Variants in HACD3 observed in about 807,000 individuals in gnomAD.
HACD3 encodes very-long-chain (3R)-3-hydroxyacyl-CoA dehydratase 3.
In HACD3, 30 loss-of-function variants were observed where a neutral mutation model predicts 55.2. That is an observed-to-expected ratio of 0.54 (90% confidence interval 0.41 to 0.74). HACD3 has a LOEUF of 0.74. Among genes scored for constraint, HACD3 ranks in the 30% least tolerant of loss-of-function variants. The pLI is 0.00. For missense variants in HACD3, 363 were observed against 440.1 expected, an observed-to-expected ratio of 0.82 and a Z score of 1.57; for synonymous variants, 141 against 151.7, an observed-to-expected ratio of 0.93 and a Z score of 0.52.
chr15:65,535,095 C>T (rs2071941554), intron 1 of HACD3, among the ~76,000 whole-genome samples: 1 of 152,096 alleles, frequency 6.6e-6, no homozygotes, highest in Non-Finnish European at 1.5e-5. Context: ...CTGCCTTATG[C>T]CATACACAAA....
At chr15:65,540,145 T>C (rs2072006136) in intron 1 of HACD3, among the ~76,000 whole-genome samples, 1 of 152,228 alleles carries the variant, frequency 6.6e-6, no homozygotes. Flanking sequence ...TGTTTGATTT[T>C]GCTTGAAATA....
intron 1 of HACD3, among the ~76,000 whole-genome samples, chr15:65,537,682 A>G (rs1245074647): frequency 6.7e-6 from 1 of 148,800 alleles, no homozygotes; most frequent in Non-Finnish European, 1.5e-5. Flanking sequence ...AATCCCAGCT[A>G]CTTGGGAGGC....
rs950924873 is a variant in HACD3 at position 65,577,710 on chromosome 15, C to G, written c.*1331C>G. Reference sequence around the variant, plus strand: ...TGGGACTGTACATTTTTGAATAGACCTCAAAAATACTTCATTCTGCTGCTG... The same window carrying G: ...TGGGACTGTACATTTTTGAATAGACGTCAAAAATACTTCATTCTGCTGCTG... On this transcript the variant is annotated 3_prime_UTR_variant, in exon 11 of 11. Coordinates refer to ENST00000261875, the MANE Select transcript of HACD3 (RefSeq NM_016395.4). The G allele has an allele frequency of 6.6e-6, 1 of 152,142 alleles. No individual in the cohort carries two copies. The highest frequency in any genetic ancestry group is 2.4e-5 in the African/African-American group (1 of 41,424). The allele number at this position is 152,142 out of a possible 1,614,324, so 9.4% of individuals were successfully genotyped here.
chr15:65,564,516 C>A, intron 7 of HACD3, 174 bp downstream of exon 7: 1 of 821,058 alleles, frequency 1.2e-6, no homozygotes, highest in Non-Finnish European at 1.8e-6. Context: ...GAAGGTCTCA[C>A]GATCATGGTG....
chr15:65,544,193 TAAAAA>T (rs927137177), intron 1 of HACD3, among the ~76,000 whole-genome samples: 5 of 150,846 alleles, frequency 3.3e-5, no homozygotes, highest in African/African-American at 1.2e-4. Context: ...AAGAAAAAAA[TAAAAA>T]GAAAATCCGT....
In HACD3 at chr15:65,560,944, A is replaced by C. The variant is rs143542347; in HGVS notation, c.422-1830A>C. Among the ~76,000 whole-genome samples the C allele has an allele frequency of 5.5e-3, 837 of 152,252 alleles. 5 individuals are homozygous for C. Among genetic ancestry groups the C allele is most frequent in the Non-Finnish European group, 9.6e-3 (652 of 68,024 alleles). On this transcript the variant is annotated intron_variant, in intron 5 of 10. Coordinates refer to ENST00000261875, the MANE Select transcript of HACD3 (RefSeq NM_016395.4). ...CTTGTTACTCCCCACCTGGTATTAC[A>C]GTTTTTAGATTGTAAGCTCTGAGGG...
intron 1 of HACD3, chr15:65,534,457 G>A (rs988393923): frequency 2.0e-5 from 3 of 152,222 alleles, no homozygotes; most frequent in Non-Finnish European, 4.4e-5. Context: ...AAAGAGGCCA[G>A]CTAAAGCAGG....
rs533373923 is a variant in HACD3 at position 65,530,495 on chromosome 15, G to T, written c.-137G>T. On this transcript the variant is annotated 5_prime_UTR_variant, in exon 1 of 11. Coordinates refer to ENST00000261875, the MANE Select transcript of HACD3 (RefSeq NM_016395.4). ...CGCAGGCGCGGCCCGCGAGCGTGGG[G>T]TATCTCGAGGTGCCGGGTTGCAGGC... 14 of 689,254 alleles carry T rather than the reference G, an allele frequency of 2.0e-5. No individual in the cohort carries two copies. The highest frequency in any genetic ancestry group is 6.9e-5 in the East Asian group (2 of 28,974). 42.7% of individuals were successfully genotyped at this position (689,254 alleles called of 1,614,324 possible).
At chr15:65,557,614 CTA>C (rs897532368) in intron 4 of HACD3, among the ~76,000 whole-genome samples, 4 of 152,172 alleles carry the variant, frequency 2.6e-5, no homozygotes, top group Non-Finnish European at 5.9e-5. Context: ...AAGGAAGTCA[CTA>C]TGTGTAGCCT....
At position 65,530,663 on chromosome 15, in the gene HACD3, A is replaced by G. The variant is rs1244300782; in HGVS notation, c.32A>G (p.Tyr11Cys). ...AATCAGGTGTTGACGCCGCATGTCT[A>G]CTGGGCTCAGCGACACCGCGAGCTA... MENQVLTPHV[Y>C]WAQRHRELYL... The change falls in exon 1 of 11, where the codon TAC becomes TGC. Residue 11 changes from tyrosine (Y) to cysteine (C), a missense_variant. By Grantham distance (194) the Tyr-to-Cys change is radical. Transcript: ENST00000261875. The G allele has an allele frequency of 1.9e-6, 3 of 1,582,626 alleles. No individual in the cohort carries two copies. The highest frequency in any genetic ancestry group is 2.3e-5 in the East Asian group (1 of 42,890).
At chr15:65,566,120 C>T (rs983662258) in intron 7 of HACD3, 2 of 152,200 alleles carry the variant, frequency 1.3e-5, no homozygotes, top group African/African-American at 4.8e-5. Flanking sequence ...CTACCTCAGC[C>T]TGGACTTTAT....
At chr15:65,535,032 G>C (rs919921433) in intron 1 of HACD3, among the ~76,000 whole-genome samples, 33 of 152,274 alleles carry the variant, frequency 2.2e-4, no homozygotes, top group African/African-American at 6.7e-4. Flanking sequence ...GACCCATTCA[G>C]GAAATTGTAC....
intron 8 of HACD3, among the ~76,000 whole-genome samples, chr15:65,570,937 C>A (rs2072341937): frequency 6.6e-6 from 1 of 152,066 alleles, no homozygotes; most frequent in African/African-American, 2.4e-5. Flanking sequence ...AGCCTTAATA[C>A]AAAGGTAAAA....
intron 1 of HACD3, among the ~76,000 whole-genome samples, chr15:65,531,003 C>A (rs1166424715): frequency 6.6e-6 from 1 of 152,222 alleles, no homozygotes; most frequent in Non-Finnish European, 1.5e-5. Flanking sequence ...CAGTCGGCGG[C>A]CTTCATGGAG....
rs924877186 is a variant in HACD3, at chr15:65,551,798, T to A, written c.130+80T>A. ...GTGGTTTCCCTTTTTTAAAAAAATG[T>A]ATTTGTCTTACTTGTTTTTTGCTGA... is the stretch of plus-strand genomic sequence containing the variant. On this transcript the variant is annotated intron_variant, in intron 2 of 10. Transcript: ENST00000261875. 2.0e-6 allele frequency: 3 copies of A among 1,525,400 alleles called. No homozygotes were observed. The South Asian group carries it at 3.4e-5, about 17-fold the overall frequency. 94.5% of individuals were successfully genotyped at this position (1,525,400 alleles called of 1,614,324 possible). A position where few individuals can be genotyped will look rare whatever the true frequency, so the allele number is the denominator to read the frequency against.
intron 1 of HACD3, among the ~76,000 whole-genome samples, chr15:65,547,889 T>A (rs983294943): frequency 6.6e-6 from 1 of 152,152 alleles, no homozygotes; most frequent in Non-Finnish European, 1.5e-5. Context: ...GTCCCTGCCA[T>A]CAAAGAAGTC....
chr15:65,568,397 C>T (rs1480102616), intron 7 of HACD3, among the ~76,000 whole-genome samples: 9 of 151,276 alleles, frequency 5.9e-5, no homozygotes, highest in Admixed American at 5.9e-4. Flanking sequence ...GTTTCACTGT[C>T]ACCCAGGCTG....
intron 2 of HACD3, among the ~76,000 whole-genome samples, chr15:65,552,733 G>A (rs939126538): frequency 2.0e-5 from 3 of 149,272 alleles, no homozygotes; most frequent in African/African-American, 7.4e-5. Flanking sequence ...GGGTACATGT[G>A]CCCGTTGTGC....
At chr15:65,537,344 G>A (rs990439907) in intron 1 of HACD3, among the ~76,000 whole-genome samples, 5 of 152,128 alleles carry the variant, frequency 3.3e-5, no homozygotes, top group Admixed American at 6.6e-5. Context: ...AGAAGATGCC[G>A]TGGAGGACTT....
Sources: allele counts gnomAD v4.1 joint callset (sites outside exome capture counted in the v4.1 genomes callset), GRCh38; gene constraint gnomAD v4.1.1; transcripts MANE v1.5; gene names NCBI Gene and HGNC (gene_info 2026-07-23, HGNC 2026-07-21).